Variants in AP2B1 observed in about 807,000 individuals in gnomAD.
AP2B1 encodes adaptor related protein complex 2 subunit beta 1, also known as AP-2 complex subunit beta.
Under a neutral mutation model 102.0 loss-of-function variants are expected in AP2B1, and 23 were observed. That is an observed-to-expected ratio of 0.23 (90% CI 0.16 to 0.32). The LOEUF (loss-of-function observed/expected upper bound fraction) is 0.32, where lower values mean the gene tolerates loss of function less well. AP2B1 is among the 10% of genes least tolerant of loss of function. The pLI, the probability that AP2B1 is intolerant of heterozygous loss-of-function variation, is 1.00. For missense variants in AP2B1, 541 were observed against 1,157.4 expected (o/e 0.47, Z 7.73); for synonymous variants, 381 against 421.2 (o/e 0.90, Z 1.17).
intron 20 of AP2B1, among the ~76,000 whole-genome samples, chr17:35,716,681 T>A (rs1555590037): frequency 6.6e-6 from 1 of 152,198 alleles, no homozygotes; most frequent in Non-Finnish European, 1.5e-5. Context: ...TCTGGGCCCT[T>A]CCTGATCCTG....
chr17:35,676,793 A>T (rs58266733), intron 17 of AP2B1, among the ~76,000 whole-genome samples: 131,144 of 151,746 alleles, frequency 0.86, 57,004 homozygotes, highest in East Asian at 0.97. Context: ...TATTGGTCAT[A>T]TATATCTTTC....
At chr17:35,595,715 A>G (rs1264424799) in intron 2 of AP2B1, among the ~76,000 whole-genome samples, 2 of 152,164 alleles carry the variant, frequency 1.3e-5, no homozygotes, top group African/African-American at 4.8e-5. Context: ...TGCCTCTTTT[A>G]GTACCCCTCT....
chr17:35,632,171 T>C (rs901908895), intron 9 of AP2B1, among the ~76,000 whole-genome samples: 3 of 151,900 alleles, frequency 2.0e-5, no homozygotes, highest in African/African-American at 7.3e-5. Context: ...TCTTGACTTG[T>C]CGCCCAGGCT....
chr17:35,707,363 G>T (rs1014856934), intron 18 of AP2B1, among the ~76,000 whole-genome samples: 2 of 151,952 alleles, frequency 1.3e-5, no homozygotes, highest in African/African-American at 4.8e-5. Flanking sequence ...ATGTTGGCCA[G>T]GATGGTCTCG....
intron 14 of AP2B1, among the ~76,000 whole-genome samples, chr17:35,664,907 A>C (rs191767799): frequency 1.8e-4 from 27 of 152,228 alleles, no homozygotes; most frequent in Admixed American, 1.5e-3. Flanking sequence ...TTTGTCTTAC[A>C]TCAGGAAGTA....
intron 9 of AP2B1, among the ~76,000 whole-genome samples, chr17:35,631,894 A>G (rs1011112306): frequency 5.3e-5 from 8 of 152,006 alleles, no homozygotes; most frequent in African/African-American, 1.4e-4. Context: ...TGTTGTTTTA[A>G]AGTCTTTTGT....
At chr17:35,597,371 TAGGTG>T (rs2073326773) in intron 2 of AP2B1, among the ~76,000 whole-genome samples, 1 of 152,176 alleles carries the variant, frequency 6.6e-6, no homozygotes, top group Admixed American at 6.5e-5. Flanking sequence ...TTCTTGCAGA[TAGGTG>T]AGCCTGGAGA....
intron 11 of AP2B1, among the ~76,000 whole-genome samples, chr17:35,641,626 A>G (rs2074784759): frequency 6.6e-6 from 1 of 152,180 alleles, no homozygotes; most frequent in African/African-American, 2.4e-5. Context: ...CTTAGAAACA[A>G]GCAATATTTT....
chr17:35,674,066 T>A, intron 16 of AP2B1, 110 bp from the exon 17 acceptor site: 1 of 1,119,424 alleles, frequency 8.9e-7, no homozygotes. Flanking sequence ...CCTAAGGAAG[T>A]GAATTTGTTC....
At chr17:35,673,289 C>T (rs28667378) in intron 16 of AP2B1, among the ~76,000 whole-genome samples, 94,813 of 151,872 alleles carry the variant, frequency 0.62, 29,628 homozygotes, top group Non-Finnish European at 0.65. Context: ...TGGCTCACTG[C>T]AAGCTCTGCC....
At chr17:35,588,789 T>G (rs531724380) in intron 1 of AP2B1, 1 of 152,246 alleles carries the variant, frequency 6.6e-6, no homozygotes, top group Admixed American at 6.5e-5. Context: ...GCAGAAAGGA[T>G]GATGTATAAT....
Position 35,622,758 on chromosome 17 carries a change from G to A in AP2B1, c.526-1639G>A, listed in dbSNP as rs867148977. 9.2e-5 allele frequency among the ~76,000 whole-genome samples: 14 copies of A among 152,216 alleles called. No homozygotes were observed. In the East Asian group the frequency reaches 1.3e-3, roughly 15 times the overall value. On this transcript the variant is annotated intron_variant, in intron 5 of 21. Transcript: ENST00000610402. ...TGGCTCACTGCAACCTTCACCTCCC[G>A]GGTTCAAGCAGTTCTCCTGCCTCAG... is the stretch of plus-strand genomic sequence containing the variant.
intron 5 of AP2B1, among the ~76,000 whole-genome samples, chr17:35,612,746 T>C (rs1598036265): frequency 6.6e-6 from 1 of 152,232 alleles, no homozygotes; most frequent in Middle Eastern, 3.4e-3. Flanking sequence ...CAGACTCCAT[T>C]GCTGGTTACT....
At chr17:35,609,805 G>T (rs984071313) in intron 5 of AP2B1, among the ~76,000 whole-genome samples, 1 of 152,134 alleles carries the variant, frequency 6.6e-6, no homozygotes. Flanking sequence ...AATTTGGCTG[G>T]ACATAGATGC....
chr17:35,633,357 C>CAA lies in AP2B1; in HGVS notation c.1156-2971_1156-2970dup, dbSNP rs11463249. On this transcript the variant is annotated intron_variant, in intron 9 of 21. Coordinates refer to ENST00000610402, the MANE Select transcript of AP2B1 (RefSeq NM_001030006.2). The stretch of plus-strand genomic sequence containing the variant: ...CTGGTCACAGAGCGAGACTGTGTCT[C>CAA]AAAAAAAAAAAAAACAGACTGCAGA... Among the ~76,000 whole-genome samples, 1,048 of 129,052 alleles carry CAA rather than the reference C, an allele frequency of 8.1e-3. 10 individuals are homozygous for CAA. The highest frequency in any genetic ancestry group is 0.025 in the East Asian group (112 of 4,488). 84.7% of individuals were successfully genotyped at this position (129,052 alleles called of 152,430 possible). A position where few individuals can be genotyped will look rare whatever the true frequency, so the allele number is the denominator to read the frequency against.
At chr17:35,695,529 C>T in intron 18 of AP2B1, among the ~76,000 whole-genome samples, 1 of 152,050 alleles carries the variant, frequency 6.6e-6, no homozygotes, top group Non-Finnish European at 1.5e-5. Context: ...CTGTTCCATT[C>T]AAGTAACCCT....
chr17:35,605,925 T>C (rs767893279), intron 4 of AP2B1, 85 bp downstream of exon 4: 23 of 1,544,854 alleles, frequency 1.5e-5, no homozygotes, highest in Non-Finnish European at 2.0e-5. Flanking sequence ...AGGGAAGTGT[T>C]GGCAATGACT....
chr17:35,712,638 A>T (rs1353443214), intron 20 of AP2B1, among the ~76,000 whole-genome samples: 1 of 152,184 alleles, frequency 6.6e-6, no homozygotes, highest in African/African-American at 2.4e-5. Flanking sequence ...CAAAAAAAAA[A>T]TAAAAATAAA....
intron 18 of AP2B1, among the ~76,000 whole-genome samples, chr17:35,693,934 C>T (rs1357547530): frequency 1.3e-5 from 2 of 152,214 alleles, no homozygotes; most frequent in Non-Finnish European, 2.9e-5. Flanking sequence ...TTGTACTGTC[C>T]ACCAGGCAGA....
Sources: gnomAD v4.1 joint callset for allele counts (sites outside exome capture counted in the v4.1 genomes callset) on GRCh38, gnomAD v4.1.1 for gene constraint, MANE v1.5 for transcripts, NCBI Gene and HGNC (gene_info 2026-07-23, HGNC 2026-07-21) for gene names.